The following LPAR3 variants were observed in gnomAD, a reference collection of about 807,000 sequenced individuals.
The protein encoded by LPAR3 is lysophosphatidic acid receptor 3.
Under a neutral mutation model 17.8 loss-of-function variants are expected in LPAR3, and 7 were observed. The ratio of observed to expected loss-of-function variants is 0.39; its 90% CI spans 0.22 to 0.74. The LOEUF (loss-of-function observed/expected upper bound fraction) is 0.74, where lower values mean the gene tolerates loss of function less well. LPAR3 is among the 30% of genes least tolerant of loss of function. LPAR3 has a pLI of 0.40. For missense variants in LPAR3, 391 were observed against 453.4 expected (o/e 0.86, Z 1.25); for synonymous variants, 179 against 179.9 (o/e 0.99, Z 0.04).
At chr1:84,862,897 A>G (rs909221873) in intron 2 of LPAR3, among the ~76,000 whole-genome samples, 6 of 152,224 alleles carry the variant, frequency 3.9e-5, no homozygotes, top group Non-Finnish European at 2.9e-5. Context: ...TGAAACCACA[A>G]AAGTTCTTGT....
At chr1:84,871,104 G>T (rs1660151317) in intron 1 of LPAR3, among the ~76,000 whole-genome samples, 1 of 151,932 alleles carries the variant, frequency 6.6e-6, no homozygotes. Flanking sequence ...CTTTACTTCT[G>T]TCAAATCCCA....
chr1:84,829,565 T>C (rs1160768230), intron 2 of LPAR3, among the ~76,000 whole-genome samples: 1 of 151,874 alleles, frequency 6.6e-6, no homozygotes, highest in African/African-American at 2.4e-5. Context: ...TCTTGGGAAA[T>C]GTCACTTGGT....
At chr1:84,883,189 G>A (rs910596761) in intron 1 of LPAR3, among the ~76,000 whole-genome samples, 28 of 152,176 alleles carry the variant, frequency 1.8e-4, no homozygotes, top group African/African-American at 6.0e-4. Flanking sequence ...AAGGTCTAGA[G>A]GAGTCAGAGA....
At chr1:84,826,072 T>C (rs1258962895) in intron 2 of LPAR3, among the ~76,000 whole-genome samples, 1 of 152,008 alleles carries the variant, frequency 6.6e-6, no homozygotes, top group Non-Finnish European at 1.5e-5. Flanking sequence ...AGTTGTGCAA[T>C]GTGAAGAAAC....
chr1:84,825,253 A>G (rs1570859839), intron 2 of LPAR3, among the ~76,000 whole-genome samples: 1 of 152,148 alleles, frequency 6.6e-6, no homozygotes, highest in East Asian at 1.9e-4. Context: ...AAAATTTAAG[A>G]CGCATGTCAC....
intron 2 of LPAR3, 55 bp downstream of exon 2, chr1:84,865,330 G>C (rs548736815): frequency 1.3e-6 from 2 of 1,530,488 alleles, no homozygotes; most frequent in African/African-American, 1.4e-5. Context: ...CAGATGCTCC[G>C]TAAAGATTTG....
intron 1 of LPAR3, among the ~76,000 whole-genome samples, chr1:84,892,236 A>G (rs867913375): frequency 2.7e-5 from 4 of 147,544 alleles, no homozygotes; most frequent in Non-Finnish European, 4.5e-5. Flanking sequence ...TAAATAAATA[A>G]ATAAATAAAT....
intron 1 of LPAR3, among the ~76,000 whole-genome samples, chr1:84,892,214 A>G (rs536681502): frequency 2.3e-4 from 31 of 135,598 alleles, no homozygotes; most frequent in African/African-American, 8.7e-4. Context: ...CTGTGTCTCA[A>G]AAATAAATAA....
intron 1 of LPAR3, among the ~76,000 whole-genome samples, chr1:84,887,855 G>A (rs1055103246): frequency 6.6e-5 from 10 of 152,118 alleles, no homozygotes; most frequent in Admixed American, 1.3e-4. Context: ...CTGAGGAACC[G>A]TTCCAGAAGA....
intron 2 of LPAR3, among the ~76,000 whole-genome samples, chr1:84,833,334 C>G (rs1031649646): frequency 6.6e-6 from 1 of 152,036 alleles, no homozygotes; most frequent in African/African-American, 2.4e-5. Context: ...GCATTTTTAC[C>G]TAATGATATA....
intron 2 of LPAR3, among the ~76,000 whole-genome samples, chr1:84,835,985 G>T (rs377464462): frequency 1.1e-4 from 15 of 135,322 alleles, no homozygotes; most frequent in African/African-American, 3.8e-4. Context: ...GTATGAATAT[G>T]AATGCCCCCC....
chr1:84,882,918 G>A (rs190787111), intron 1 of LPAR3, among the ~76,000 whole-genome samples: 6 of 152,376 alleles, frequency 3.9e-5, no homozygotes, highest in Admixed American at 3.9e-4. Flanking sequence ...TTACCAACAA[G>A]TTAGTTATCT....
At chr1:84,866,777 A>T (rs1015879218) in intron 1 of LPAR3, among the ~76,000 whole-genome samples, 2 of 152,138 alleles carry the variant, frequency 1.3e-5, no homozygotes, top group Non-Finnish European at 2.9e-5. Context: ...GGTTTCAACA[A>T]ACAACTCTGA....
chr1:84,880,265 T>A (rs149759946), intron 1 of LPAR3, among the ~76,000 whole-genome samples: 1 of 152,138 alleles, frequency 6.6e-6, no homozygotes, highest in Non-Finnish European at 1.5e-5. Context: ...AACCAGAACA[T>A]GAGCTTGTTT....
intron 2 of LPAR3, among the ~76,000 whole-genome samples, chr1:84,851,613 G>C (rs1659713920): frequency 6.6e-6 from 1 of 152,250 alleles, no homozygotes; most frequent in Admixed American, 6.5e-5. Context: ...TGGGGAGTCA[G>C]AGAAAATATC....
intron 1 of LPAR3, among the ~76,000 whole-genome samples, chr1:84,881,705 C>T (rs1481121522): frequency 6.6e-6 from 1 of 152,144 alleles, no homozygotes; most frequent in Non-Finnish European, 1.5e-5. Context: ...CACATTCACT[C>T]TGCTGTAGCT....
At chr1:84,845,618 C>T (rs1051183560) in intron 2 of LPAR3, among the ~76,000 whole-genome samples, 2 of 152,148 alleles carry the variant, frequency 1.3e-5, no homozygotes, top group South Asian at 2.1e-4. Flanking sequence ...CTGTGTTGGT[C>T]CATCATTACC....
At chr1:84,849,184 G>A (rs1570880911) in intron 2 of LPAR3, among the ~76,000 whole-genome samples, 1 of 152,092 alleles carries the variant, frequency 6.6e-6, no homozygotes, top group East Asian at 1.9e-4. Context: ...AGACCATCCT[G>A]GCCAACATGG....
intron 2 of LPAR3, among the ~76,000 whole-genome samples, chr1:84,842,907 G>T (rs1448198391): frequency 1.3e-5 from 2 of 152,182 alleles, no homozygotes; most frequent in Non-Finnish European, 2.9e-5. Flanking sequence ...TTCCCTACAT[G>T]TTGAGACATG....
Sources: allele counts gnomAD v4.1 joint callset (sites outside exome capture counted in the v4.1 genomes callset), GRCh38; gene constraint gnomAD v4.1.1; transcripts MANE v1.5; gene names NCBI Gene and HGNC (gene_info 2026-07-23, HGNC 2026-07-21).